PAEP: variants seen among roughly 807,000 people sequenced by gnomAD.
PAEP encodes the protein glycodelin.
PAEP carries 28 observed loss-of-function variants against 23.0 expected under a neutral mutation model. That is an observed-to-expected ratio of 1.22 (90% CI 0.90 to 1.67). The LOEUF (loss-of-function observed/expected upper bound fraction) is 1.67. Among genes scored for constraint, PAEP ranks in the 40% most tolerant of loss-of-function variants. The pLI is 0.00. For synonymous variants in PAEP, 103 were observed against 92.4 expected (o/e 1.12, Z -0.66); for missense variants, 209 against 226.4 (o/e 0.92, Z 0.49).
intron 2 of PAEP, 150 bp downstream of exon 2, chr9:135,562,583 G>A: frequency 9.0e-7 from 1 of 1,113,816 alleles, no homozygotes; most frequent in Non-Finnish European, 1.3e-6. Flanking sequence ...TGAGGGTGGG[G>A]TGGAAAACCA....
At chr9:135,565,575 C>CAGCAGGGGGCT in intron 5 of PAEP, 61 bp downstream of exon 5, 1 of 1,506,078 alleles carries the variant, frequency 6.6e-7, no homozygotes, top group Non-Finnish European at 9.2e-7. Context: ...CTTTCTTAGC[C>CAGCAGGGGGCT]CGAGCCCCCT....
Position 135,562,299 on chromosome 9 carries a change from AG to A in PAEP, c.105del (p.Thr36ProfsTer18). ...KQDLELPKLA[G>X]TWHSMAMATN... Reference sequence around the variant, plus strand: ...GCAGCCCAAGGCCCCCTCAGTTGGCAGGGACCTGGCACTCCATGGCCATGGC... The same window carrying A: ...GCAGCCCAAGGCCCCCTCAGTTGGCAGGACCTGGCACTCCATGGCCATGGC... On this transcript the variant is annotated frameshift_variant, in exon 2 of 7. Coordinates refer to ENST00000479141, the MANE Select transcript of PAEP (RefSeq NM_002571.4). LOFTEE classifies it high-confidence loss of function. The A allele has an allele frequency of 2.5e-6, 4 of 1,613,652 alleles. No homozygotes were observed. The highest frequency in any genetic ancestry group is 2.5e-6 in the Non-Finnish European group (3 of 1,179,856).
chr9:135,564,784 G>T (rs962045754), intron 4 of PAEP: 62 of 985,094 alleles, frequency 6.3e-5, no homozygotes, highest in Non-Finnish European at 7.4e-5. Flanking sequence ...GATTACAGGC[G>T]TGAGCCACCA....
intron 3 of PAEP, among the ~76,000 whole-genome samples, chr9:135,563,267 C>T: frequency 1.3e-5 from 2 of 149,330 alleles, no homozygotes; most frequent in Non-Finnish European, 3.0e-5. Context: ...TACAGGTGGG[C>T]AGGAGGGTAG....
rs762512841 is a variant in PAEP, at chr9:135,562,402, G to A, written c.205G>A (p.Glu69Lys). The change falls in exon 2 of 7, where the codon GAG becomes AAG. Residue 69 changes from glutamate to lysine, a missense_variant. Coordinates refer to ENST00000479141, the MANE Select transcript of PAEP (RefSeq NM_002571.4). ...VHITSLLPTP[E>K]DNLEIVLHRW... is the part of the protein sequence containing the mutation. ...CATCACCTCACTGTTGCCCACCCCC[G>A]AGGACAACCTGGAGATCGTTCTGCA... is the stretch of plus-strand genomic sequence containing the variant. 1.5e-5 allele frequency: 24 copies of A among 1,613,924 alleles called. No homozygotes were observed. The highest frequency in any genetic ancestry group is 4.0e-5 in the African/African-American group (3 of 74,912).
chr9:135,562,124 C>T (rs1328493401), intron 1 of PAEP, among the ~76,000 whole-genome samples, 170 bp from the exon 2 acceptor site: 3 of 152,214 alleles, frequency 2.0e-5, no homozygotes, highest in African/African-American at 7.2e-5. Flanking sequence ...TGAGTTAGCA[C>T]ACACTGGTCA....
Position 135,565,669 on chromosome 9 carries a change from G to A in PAEP, c.527-116G>A, listed in dbSNP as rs933546102. ...CTTCTGGGGTGCAGAGCCACCCTGA[G>A]GTGGGGTCCTGCCCTCTCCCACCAT... On this transcript the variant is annotated intron_variant, in intron 5 of 6. Transcript: ENST00000479141. 3.5e-6 allele frequency: 5 copies of A among 1,412,382 alleles called. No individual in the cohort carries two copies. The Admixed American group carries it at 6.7e-5, about 19-fold the overall frequency. 87.5% of individuals were successfully genotyped at this position (1,412,382 alleles called of 1,614,324 possible).
chr9:135,564,751 G>A (rs1460338925), intron 4 of PAEP: 4 of 945,098 alleles, frequency 4.2e-6, no homozygotes, highest in Middle Eastern at 5.4e-4. Context: ...TGATCCACCC[G>A]CCTTGGCCTC....
Position 135,564,714 on chromosome 9 carries a change from A to C in PAEP, c.421+360A>C, listed in dbSNP as rs570708299. On this transcript the variant is annotated intron_variant, in intron 4 of 6. Transcript: ENST00000479141. ...GAGACGGGGTTTCACCATGTTGGCC[A>C]GGCTGGTCTCCAACTCCTGGATCAA... is the stretch of plus-strand genomic sequence containing the variant. The C allele has an allele frequency of 2.4e-5, 18 of 742,088 alleles. No homozygotes were observed. In the East Asian group the frequency reaches 2.1e-3, roughly 86 times the overall value. The allele number at this position is 742,088 out of a possible 1,614,324, so 46.0% of individuals were successfully genotyped here.
At chr9:135,565,853 T>A in intron 6 of PAEP, 52 bp downstream of exon 6, 1 of 1,604,748 alleles carries the variant, frequency 6.2e-7, no homozygotes, top group South Asian at 1.1e-5. Flanking sequence ...CCTCGCCCAC[T>A]GTCTGCGGCT....
intron 4 of PAEP, chr9:135,564,558 T>C (rs1321318671): frequency 2.3e-6 from 2 of 875,922 alleles, no homozygotes; most frequent in African/African-American, 1.8e-5. Context: ...GGCTGGAGTG[T>C]AGTGACGTGA....
intron 4 of PAEP, chr9:135,564,609 T>G (rs1832491965): frequency 1.6e-6 from 1 of 606,366 alleles, no homozygotes; most frequent in South Asian, 7.3e-5. Context: ...ATTCAAGCGA[T>G]TCTCGTGCCT....
chr9:135,565,758 C>A (rs1343864951), intron 5 of PAEP, 27 bp from the exon 6 acceptor site: 3 of 1,613,984 alleles, frequency 1.9e-6, no homozygotes, highest in Non-Finnish European at 2.5e-6. Flanking sequence ...CTCGCTGACA[C>A]CTCCACTGTC....
chr9:135,565,493 C>G lies in PAEP; in HGVS notation c.505C>G (p.Leu169Val). 6.2e-7 allele frequency: 1 copy of G among 1,613,946 alleles called. No homozygotes were observed. The highest frequency in any genetic ancestry group is 8.5e-7 in the Non-Finnish European group (1 of 1,179,826). The change falls in exon 5 of 7, where the codon CTG becomes GTG. Residue 169 changes from leucine to valine, a missense_variant. By Grantham distance (32) the Leu-to-Val change is conservative (BLOSUM62 1). Transcript: ENST00000479141. The stretch of plus-strand genomic sequence containing the variant: ...CCTGCCCAGGCACCTATGGTACTTG[C>G]TGGACTTGAAACAGATGGAAGGTGA... ...RPLPRHLWYL[L>V]DLKQMEEPCR...
rs777957802 is a variant in PAEP, at chr9:135,561,849, C to T, written c.48C>T (p.Val16=). 1.3e-6 allele frequency: 2 copies of T among 1,566,742 alleles called. No individual in the cohort carries two copies. Among genetic ancestry groups the T allele is most frequent in the East Asian group, 4.7e-5 (2 of 42,460 alleles). Reference sequence around the variant, plus strand: ...TGGGCGTGGCCCTGGTCTGTGGTGTCCCGGCCATGGACATCCCCCAGACCA... The same window carrying T: ...TGGGCGTGGCCCTGGTCTGTGGTGTTCCGGCCATGGACATCCCCCAGACCA... ...LTLGVALVCG[V]PAMDIPQTKQ... is the part of the protein sequence containing the mutation. The change falls in exon 1 of 7, where the codon GTC becomes GTT. Residue 16 remains valine, a synonymous_variant. Transcript: ENST00000479141.
intron 6 of PAEP, chr9:135,566,096 A>G: frequency 4.7e-6 from 2 of 424,732 alleles, no homozygotes; most frequent in South Asian, 3.8e-5. Flanking sequence ...TGGGGGCTAT[A>G]GGAGGAGGAA....
chr9:135,565,649 G>C (rs1469409214), intron 5 of PAEP, 135 bp downstream of exon 5: 1 of 1,342,976 alleles, frequency 7.4e-7, no homozygotes, highest in Non-Finnish European at 1.1e-6. Flanking sequence ...CTGGCCTTCT[G>C]GGGTGCAGAG....
At chr9:135,562,128 C>T (rs553462265) in intron 1 of PAEP, among the ~76,000 whole-genome samples, 166 bp from the exon 2 acceptor site, 1 of 152,330 alleles carries the variant, frequency 6.6e-6, no homozygotes, top group South Asian at 2.1e-4. Flanking sequence ...TTAGCACACA[C>T]TGGTCATTTT....
intron 3 of PAEP, among the ~76,000 whole-genome samples, chr9:135,563,491 C>T (rs76035137): frequency 7.2e-6 from 1 of 138,650 alleles, no homozygotes; most frequent in South Asian, 2.3e-4. Context: ...GGTAGGTGGG[C>T]AGGTGGGTAG....
Sources: allele counts gnomAD v4.1 joint callset (sites outside exome capture counted in the v4.1 genomes callset), GRCh38; gene constraint gnomAD v4.1.1; transcripts MANE v1.5; gene names NCBI Gene and HGNC (gene_info 2026-07-23, HGNC 2026-07-21).